The following BDP1 variants were observed in gnomAD, a reference collection of about 807,000 sequenced individuals.
The protein encoded by BDP1 is transcription factor TFIIIB component B'' homolog.
A neutral mutation model predicts 266.6 loss-of-function variants in BDP1; 169 were observed. That is an observed-to-expected ratio of 0.63 (90% confidence interval 0.56 to 0.72). BDP1 has a LOEUF of 0.72. Among genes scored for constraint, BDP1 ranks in the 30% least tolerant of loss-of-function variants. The pLI, the probability that BDP1 is intolerant of heterozygous loss-of-function variation, is 0.00. For missense variants in BDP1, 3,015 were observed against 3,053.8 expected, an observed-to-expected ratio of 0.99 and a Z score of 0.30; for synonymous variants, 1,090 against 1,022.4, an observed-to-expected ratio of 1.07 and a Z score of -1.26.
chr5:71,479,304 G>C (rs1175549407), intron 7 of BDP1, among the ~76,000 whole-genome samples: 1 of 151,766 alleles, frequency 6.6e-6, no homozygotes, highest in Non-Finnish European at 1.5e-5. Context: ...GCCTCCCAAA[G>C]TGCTGGGATT....
intron 11 of BDP1, among the ~76,000 whole-genome samples, chr5:71,493,511 C>A (rs957188135): frequency 6.6e-6 from 1 of 152,150 alleles, no homozygotes; most frequent in Non-Finnish European, 1.5e-5. Flanking sequence ...TCAGCATGAG[C>A]CACTGTGTCT....
At chr5:71,564,071 C>T (rs1280840070) in intron 38 of BDP1, among the ~76,000 whole-genome samples, 24 of 151,910 alleles carry the variant, frequency 1.6e-4, no homozygotes, top group Admixed American at 1.6e-3. Flanking sequence ...ACTTTTTTCC[C>T]CCTGAGATGG....
intron 14 of BDP1, 69 bp from the exon 15 acceptor site, chr5:71,502,530 A>G: frequency 7.7e-7 from 1 of 1,304,202 alleles, no homozygotes. Context: ...TGGTTTACTT[A>G]TTCATGCCAG....
At chr5:71,505,132 G>A (rs1287766278) in intron 16 of BDP1, among the ~76,000 whole-genome samples, 2 of 152,002 alleles carry the variant, frequency 1.3e-5, no homozygotes, top group African/African-American at 2.4e-5. Context: ...TCAGCCTCCC[G>A]AGTAGCTGGG....
Position 71,485,327 on chromosome 5 carries a change from A to T in BDP1, c.1070-1157A>T, listed in dbSNP as rs566334308. Among the ~76,000 whole-genome samples the T allele has an allele frequency of 4.3e-3, 644 of 150,830 alleles. 10 individuals are homozygous for T. Among genetic ancestry groups the T allele is most frequent in the African/African-American group, 0.014 (592 of 41,148 alleles). On this transcript the variant is annotated intron_variant, in intron 8 of 38. Coordinates refer to ENST00000358731, the MANE Select transcript of BDP1 (RefSeq NM_018429.3). ...TTGATTTGGAGGCTTTCTATTGGAA[A>T]TTTTTTTTTTAAATTAAAACCTATA... is the stretch of plus-strand genomic sequence containing the variant.
In BDP1 at chr5:71,512,341, C is replaced by G; in HGVS notation, c.4160C>G (p.Ser1387Cys). The change falls in exon 18 of 39, where the codon TCT (serine) becomes TGT (cysteine). Residue 1387 changes from serine to cysteine, a missense_variant. Transcript: ENST00000358731. The stretch of plus-strand genomic sequence containing the variant: ...AGTCACTTCAGTCATTTCAAGATTT[C>G]TTCACAGACTCATGAATCTGATAAA... ...VSSHFSHFKISSQTHESDKTE... is the reference protein window; with the variant it reads ...VSSHFSHFKICSQTHESDKTE... 1 of 1,599,614 alleles carries G rather than the reference C, an allele frequency of 6.3e-7. No individual in the cohort carries two copies. The highest frequency in any genetic ancestry group is 8.5e-7 in the Non-Finnish European group (1 of 1,176,154).
chr5:71,503,030 A>G (rs1168699976), intron 15 of BDP1, among the ~76,000 whole-genome samples: 1 of 141,410 alleles, frequency 7.1e-6, no homozygotes, highest in African/African-American at 2.6e-5. Flanking sequence ...GTGCCACCGC[A>G]CTCCAGCCTA....
intron 25 of BDP1, among the ~76,000 whole-genome samples, chr5:71,525,291 G>A (rs1298893504): frequency 2.8e-4 from 42 of 147,416 alleles, no homozygotes; most frequent in African/African-American, 9.0e-4. Flanking sequence ...CCTCCCGGAC[G>A]GGGCGGCTGG....
At chr5:71,488,438 T>C (rs1348401109) in intron 9 of BDP1, among the ~76,000 whole-genome samples, 10 of 151,320 alleles carry the variant, frequency 6.6e-5, no homozygotes, top group African/African-American at 2.4e-4. Flanking sequence ...GAACTTTTTT[T>C]TTTTTTTGAG....
intron 15 of BDP1, 24 bp downstream of exon 15, chr5:71,502,815 C>G (rs750591192): frequency 2.6e-5 from 41 of 1,590,620 alleles, no homozygotes; most frequent in Non-Finnish European, 1.5e-5. Flanking sequence ...TTCCTCCTCA[C>G]ATTTTTGGTA....
intron 28 of BDP1, among the ~76,000 whole-genome samples, chr5:71,540,655 G>A (rs1766910418): frequency 6.6e-6 from 1 of 151,940 alleles, no homozygotes. Flanking sequence ...TTAGACTTTT[G>A]GGCCAGATGC....
intron 26 of BDP1, among the ~76,000 whole-genome samples, chr5:71,536,480 A>C (rs983383926): frequency 1.3e-5 from 2 of 152,220 alleles, no homozygotes; most frequent in African/African-American, 4.8e-5. Flanking sequence ...TATAGAGTGC[A>C]TACAATTCTG....
chr5:71,471,068 C>G (rs1762212974), intron 7 of BDP1, among the ~76,000 whole-genome samples: 1 of 147,990 alleles, frequency 6.8e-6, no homozygotes, highest in African/African-American at 2.5e-5. Context: ...TGCACTGCAA[C>G]TAAGATATAA....
intron 7 of BDP1, among the ~76,000 whole-genome samples, chr5:71,472,888 CTTTTTTTTT>C (rs57109617): frequency 3.7e-5 from 2 of 53,944 alleles, no homozygotes; most frequent in African/African-American, 6.9e-5. Flanking sequence ...CTCTCTCTCT[CTTTTTTTTT>C]TTTTTTTTTT....
At chr5:71,490,526 G>T (rs889794764) in intron 10 of BDP1, among the ~76,000 whole-genome samples, 1 of 152,028 alleles carries the variant, frequency 6.6e-6, no homozygotes, top group African/African-American at 2.4e-5. Flanking sequence ...GAACTCAGGG[G>T]GTTCTCTATG....
intron 21 of BDP1, 40 bp from the exon 22 acceptor site, chr5:71,517,282 G>T: frequency 6.8e-7 from 1 of 1,472,466 alleles, no homozygotes; most frequent in South Asian, 1.2e-5. Context: ...GGTATATTCT[G>T]CTATAAAAAT....
chr5:71,470,334 C>T (rs958068361), intron 6 of BDP1, 61 bp from the exon 7 acceptor site: 11 of 1,245,106 alleles, frequency 8.8e-6, no homozygotes, highest in Non-Finnish European at 1.3e-5. Flanking sequence ...TGTAAGATTT[C>T]TTTTCTCTGA....
intron 2 of BDP1, 96 bp downstream of exon 2, chr5:71,458,951 A>G (rs1255222777): frequency 9.6e-6 from 11 of 1,140,044 alleles, no homozygotes; most frequent in African/African-American, 1.6e-5. Context: ...TGATGGGGGA[A>G]CAAAACCACA....
intron 33 of BDP1, 134 bp from the exon 34 acceptor site, chr5:71,549,286 T>TG (rs1358413806): frequency 2.7e-6 from 2 of 745,758 alleles, no homozygotes; most frequent in Admixed American, 3.2e-5. Flanking sequence ...GGGGGGTTGT[T>TG]GGGGGGAGCA....
Sources: allele counts gnomAD v4.1 joint callset (sites outside exome capture counted in the v4.1 genomes callset), GRCh38; gene constraint gnomAD v4.1.1; transcripts MANE v1.5; gene names NCBI Gene and HGNC (gene_info 2026-07-23, HGNC 2026-07-21).